Variants in CDH9 observed in about 807,000 individuals in gnomAD.
CDH9 encodes the protein cadherin 9, also known as cadherin-9.
In CDH9, 28 loss-of-function variants were observed where a neutral mutation model predicts 70.9. That is an observed-to-expected ratio of 0.40 (90% CI 0.29 to 0.54). The LOEUF (loss-of-function observed/expected upper bound fraction) is 0.54, where lower values mean the gene tolerates loss of function less well. Among genes scored for constraint, CDH9 ranks in the 20% least tolerant of loss-of-function variants. CDH9 has a pLI of 0.59. For missense variants in CDH9, 874 were observed against 984.4 expected (o/e 0.89, Z 1.50); for synonymous variants, 409 against 343.1 (o/e 1.19, Z -2.12).
intron 3 of CDH9, among the ~76,000 whole-genome samples, chr5:26,910,244 T>TATCTATC (rs1741027224): frequency 6.6e-6 from 1 of 150,952 alleles, no homozygotes; most frequent in African/African-American, 2.4e-5. Context: ...TCTATCTATC[T>TATCTATC]ATCTATCTAT....
intron 2 of CDH9, among the ~76,000 whole-genome samples, chr5:26,975,053 G>A (rs1742282457): frequency 6.6e-6 from 1 of 152,100 alleles, no homozygotes; most frequent in South Asian, 2.1e-4. Context: ...AAGTTTACAA[G>A]ATAAAGGCTG....
At chr5:26,931,007 A>G (rs1741453032) in intron 2 of CDH9, among the ~76,000 whole-genome samples, 1 of 152,160 alleles carries the variant, frequency 6.6e-6, no homozygotes, top group Non-Finnish European at 1.5e-5. Context: ...TCCTACTTCT[A>G]TGCAATGTAT....
At chr5:26,926,101 G>C (rs1410920168) in intron 2 of CDH9, among the ~76,000 whole-genome samples, 1 of 152,074 alleles carries the variant, frequency 6.6e-6, no homozygotes, top group Non-Finnish European at 1.5e-5. Flanking sequence ...GGGCAATCAG[G>C]CAAGATAAAT....
intron 7 of CDH9, among the ~76,000 whole-genome samples, chr5:26,901,077 A>G (rs1011068506): frequency 1.3e-5 from 2 of 152,020 alleles, no homozygotes; most frequent in African/African-American, 4.8e-5. Context: ...TTGGACGGCT[A>G]GATTAATTTT....
chr5:26,906,165 G>T, intron 4 of CDH9, 39 bp from the exon 5 acceptor site: 1 of 1,556,674 alleles, frequency 6.4e-7, no homozygotes, highest in African/African-American at 1.4e-5. Flanking sequence ...CAATTAAATC[G>T]CTGAGTTTTA....
At chr5:27,002,801 G>A (rs1742793940) in intron 1 of CDH9, among the ~76,000 whole-genome samples, 1 of 152,044 alleles carries the variant, frequency 6.6e-6, no homozygotes. Flanking sequence ...GATAGCATTA[G>A]GAGATACACC....
intron 7 of CDH9, among the ~76,000 whole-genome samples, chr5:26,900,982 C>T (rs1429594697): frequency 6.6e-6 from 1 of 151,976 alleles, no homozygotes; most frequent in Non-Finnish European, 1.5e-5. Flanking sequence ...ACAAAAGACA[C>T]CAACAAGCAC....
At chr5:27,028,718 T>C (rs1411886725) in intron 1 of CDH9, among the ~76,000 whole-genome samples, 2 of 151,904 alleles carry the variant, frequency 1.3e-5, no homozygotes, top group African/African-American at 4.8e-5. Context: ...TTTATAGATA[T>C]AAATGAAAAA....
chr5:26,922,244 C>T (rs1477722690), intron 2 of CDH9, among the ~76,000 whole-genome samples: 1 of 151,818 alleles, frequency 6.6e-6, no homozygotes, highest in Non-Finnish European at 1.5e-5. Context: ...TTATAGAACA[C>T]AAAGCAGATT....
intron 7 of CDH9, among the ~76,000 whole-genome samples, chr5:26,892,793 C>T (rs963313536): frequency 2.0e-5 from 3 of 152,110 alleles, no homozygotes; most frequent in Non-Finnish European, 4.4e-5. Flanking sequence ...TGCAGTGGCG[C>T]GATCTCGGCT....
At position 26,906,917 on chromosome 5, in the gene CDH9, C is replaced by T. The variant is rs1740958950; in HGVS notation, c.524-79G>A. 3.4e-6 allele frequency: 5 copies of T among 1,453,444 alleles called. No individual in the cohort carries two copies. In the South Asian group the frequency reaches 4.7e-5, roughly 14 times the overall value. The allele number at this position is 1,453,444 out of a possible 1,614,324, so 90.0% of individuals were successfully genotyped here. A position where few individuals can be genotyped will look rare whatever the true frequency, so the allele number is the denominator to read the frequency against. On this transcript the variant is annotated intron_variant, in intron 3 of 11. Coordinates refer to ENST00000231021, the MANE Select transcript of CDH9 (RefSeq NM_016279.4). ...AACAATCTTTCTTAAAAATATGTTG[C>T]TCTCAGTGTTTTGTATTAGACGATG...
chr5:26,943,681 T>C (rs1319496950), intron 2 of CDH9, among the ~76,000 whole-genome samples: 2 of 152,108 alleles, frequency 1.3e-5, no homozygotes, highest in Non-Finnish European at 2.9e-5. Flanking sequence ...CTATAGCACA[T>C]GTTGTTGGAA....
intron 2 of CDH9, among the ~76,000 whole-genome samples, chr5:26,925,801 T>C (rs1446261514): frequency 1.3e-5 from 2 of 152,158 alleles, no homozygotes; most frequent in African/African-American, 4.8e-5. Flanking sequence ...ATTTATTAAA[T>C]ATGGAATCCT....
At position 26,979,163 on chromosome 5, in the gene CDH9, TAAC is replaced by T. The variant is rs575096090; in HGVS notation, c.228+8940_228+8942del. ...TAATGAATTGTTTAATAATAAACAT[TAAC>T]AATGCATTATGCAGTTTACAATATA... is the stretch of plus-strand genomic sequence containing the variant. On this transcript the variant is annotated intron_variant, in intron 2 of 11. Coordinates refer to ENST00000231021, the MANE Select transcript of CDH9 (RefSeq NM_016279.4). Among the ~76,000 whole-genome samples, 304 of 151,776 alleles carry T rather than the reference TAAC, an allele frequency of 2.0e-3. 2 individuals are homozygous for T. The highest frequency in any genetic ancestry group is 7.0e-3 in the African/African-American group (289 of 41,530).
intron 3 of CDH9, among the ~76,000 whole-genome samples, chr5:26,910,504 A>G (rs1185446747): frequency 6.6e-6 from 1 of 152,098 alleles, no homozygotes; most frequent in East Asian, 1.9e-4. Flanking sequence ...TCTCACACAC[A>G]TTCTCTTTAT....
chr5:26,945,625 C>A (rs1741739509), intron 2 of CDH9, among the ~76,000 whole-genome samples: 1 of 152,064 alleles, frequency 6.6e-6, no homozygotes, highest in Non-Finnish European at 1.5e-5. Context: ...CCTAATCAAA[C>A]AAATTTTCAA....
intron 1 of CDH9, among the ~76,000 whole-genome samples, chr5:27,008,540 T>C (rs1742906227): frequency 6.6e-6 from 1 of 152,046 alleles, no homozygotes. Flanking sequence ...AGTACATCTA[T>C]AATATAAAAT....
At chr5:26,985,742 G>A (rs562301797) in intron 2 of CDH9, among the ~76,000 whole-genome samples, 1 of 152,128 alleles carries the variant, frequency 6.6e-6, no homozygotes, top group African/African-American at 2.4e-5. Context: ...TCTTTACAGG[G>A]GATGCTATCA....
intron 2 of CDH9, among the ~76,000 whole-genome samples, chr5:26,926,620 A>G (rs1027695812): frequency 2.0e-5 from 3 of 152,156 alleles, no homozygotes; most frequent in Non-Finnish European, 1.5e-5. Flanking sequence ...GAACCAAAAA[A>G]GAGCCCACAT....
Sources: gnomAD v4.1 joint callset for allele counts (sites outside exome capture counted in the v4.1 genomes callset) on GRCh38, gnomAD v4.1.1 for gene constraint, MANE v1.5 for transcripts, NCBI Gene and HGNC (gene_info 2026-07-23, HGNC 2026-07-21) for gene names.